Variants in TNIP1 observed in about 807,000 individuals in gnomAD.
TNIP1 encodes the protein TNFAIP3 interacting protein 1, also known as TNFAIP3-interacting protein 1.
In TNIP1, 22 loss-of-function variants were observed where a neutral mutation model predicts 86.6. That is an observed-to-expected ratio of 0.25 (90% CI 0.18 to 0.36). The LOEUF (loss-of-function observed/expected upper bound fraction) is 0.36, where lower values mean the gene tolerates loss of function less well. TNIP1 is among the 10% of genes least tolerant of loss of function. The pLI is 1.00. For synonymous variants in TNIP1, 294 were observed against 313.0 expected (o/e 0.94, Z 0.64); for missense variants, 709 against 820.6 (o/e 0.86, Z 1.66).
chr5:151,050,501 CTAGT>C (rs1759767053), intron 7 of TNIP1, among the ~76,000 whole-genome samples: 1 of 152,260 alleles, frequency 6.6e-6, no homozygotes, highest in Non-Finnish European at 1.5e-5. Flanking sequence ...TCCATTTACT[CTAGT>C]TAAAGTTGCC....
At chr5:151,045,814 C>T (rs142058019) in intron 9 of TNIP1, 47 bp downstream of exon 9, 29 of 1,587,630 alleles carry the variant, frequency 1.8e-5, no homozygotes, top group African/African-American at 2.7e-5. Context: ...CTGCTGGTCC[C>T]GGGAGGTAAG....
intron 1 of TNIP1, chr5:151,080,408 G>A (rs1281012772): frequency 6.6e-6 from 1 of 152,254 alleles, no homozygotes; most frequent in Admixed American, 6.5e-5. Context: ...TAGGATGGAA[G>A]TGACAATTAA....
intron 1 of TNIP1, among the ~76,000 whole-genome samples, chr5:151,067,753 C>T (rs1762399770): frequency 6.6e-6 from 1 of 152,162 alleles, no homozygotes. Flanking sequence ...AGAAGTCAGA[C>T]TGAAGGGAAC....
upstream of TNIP1, among the ~76,000 whole-genome samples, chr5:151,082,970 A>G (rs1173178601): frequency 6.6e-6 from 1 of 152,026 alleles, no homozygotes; most frequent in African/African-American, 2.4e-5. Context: ...CTGTCTAGAA[A>G]AGGACTTACT....
intron 1 of TNIP1, among the ~76,000 whole-genome samples, chr5:151,071,126 A>G (rs2113776556): frequency 6.6e-6 from 1 of 152,258 alleles, no homozygotes; most frequent in African/African-American, 2.4e-5. Context: ...CTTTAATTTA[A>G]AAGAGAAAAG....
At chr5:151,084,709 G>C (rs932642017), upstream of TNIP1, among the ~76,000 whole-genome samples, 1 of 152,166 alleles carries the variant, frequency 6.6e-6, no homozygotes, top group Non-Finnish European at 1.5e-5. Flanking sequence ...GCCTTGGCTA[G>C]GGGAGAATGG....
chr5:151,059,071 C>T (rs959520342), intron 5 of TNIP1, among the ~76,000 whole-genome samples: 3 of 152,224 alleles, frequency 2.0e-5, no homozygotes, highest in African/African-American at 7.2e-5. Flanking sequence ...AAGGCTCATG[C>T]GATGCTTCCC....
intron 1 of TNIP1, among the ~76,000 whole-genome samples, chr5:151,078,988 G>C (rs780927306): frequency 7.9e-5 from 12 of 152,148 alleles, no homozygotes; most frequent in Non-Finnish European, 1.6e-4. Context: ...ACAGCTTCCT[G>C]GGGCCCCGAA....
intron 4 of TNIP1, among the ~76,000 whole-genome samples, chr5:151,061,050 T>TCAA (rs2113679617): frequency 6.6e-6 from 1 of 152,354 alleles, no homozygotes; most frequent in Admixed American, 6.5e-5. Context: ...ATTTCAGGAT[T>TCAA]CAACCAAATC....
chr5:151,042,463 C>T, intron 11 of TNIP1, 77 bp downstream of exon 11: 1 of 1,563,226 alleles, frequency 6.4e-7, no homozygotes, highest in Admixed American at 1.7e-5. Context: ...ACTCCTGCCC[C>T]TGGCTTGTTT....
At chr5:151,065,212 G>T in intron 1 of TNIP1, 81 bp from the exon 2 acceptor site, 1 of 1,230,944 alleles carries the variant, frequency 8.1e-7, no homozygotes, top group Non-Finnish European at 1.1e-6. Flanking sequence ...GTCTGTCAAT[G>T]CCCCAGAAGG....
At chr5:151,066,304 C>T (rs1279378239) in intron 1 of TNIP1, among the ~76,000 whole-genome samples, 1 of 152,180 alleles carries the variant, frequency 6.6e-6, no homozygotes, top group African/African-American at 2.4e-5. Context: ...AGGGCAGAGG[C>T]CCTAAGGCTG....
rs867562132 is a variant in TNIP1, at chr5:151,030,469, G to C, written c.*244C>G. On this transcript the variant is annotated 3_prime_UTR_variant, in exon 18 of 18. Transcript: ENST00000521591. ...GCCGGATGAGGCCTCTCTCCACTCA[G>C]CAGCAGGGAAGGAGTTTTTCCCAGT... is the stretch of plus-strand genomic sequence containing the variant. 21 of 593,436 alleles carry C rather than the reference G, an allele frequency of 3.5e-5. No individual in the cohort carries two copies. The highest frequency in any genetic ancestry group is 2.6e-4 in the African/African-American group (14 of 53,402). 36.8% of individuals were successfully genotyped at this position (593,436 alleles called of 1,614,324 possible).
intron 6 of TNIP1, among the ~76,000 whole-genome samples, chr5:151,055,239 G>T (rs1297977736): frequency 6.6e-6 from 1 of 152,080 alleles, no homozygotes; most frequent in Non-Finnish European, 1.5e-5. Context: ...AAAAAAAAGA[G>T]TATAAGAAAA....
chr5:151,053,447 C>T (rs1283642796), intron 6 of TNIP1, among the ~76,000 whole-genome samples: 1 of 152,194 alleles, frequency 6.6e-6, no homozygotes, highest in Non-Finnish European at 1.5e-5. Context: ...CTCTATAGGG[C>T]TGCTGAGAGG....
chr5:151,052,381 C>T (rs1212762361), intron 6 of TNIP1, 122 bp from the exon 7 acceptor site: 2 of 763,244 alleles, frequency 2.6e-6, no homozygotes, highest in East Asian at 2.7e-5. Context: ...TCCCCTTTGC[C>T]TGGCCTCACC....
At position 151,059,804 on chromosome 5, in the gene TNIP1, A is replaced by G. The variant is rs879644856; in HGVS notation, c.435+514T>C. On this transcript the variant is annotated intron_variant, in intron 5 of 17. Coordinates refer to ENST00000521591, the MANE Select transcript of TNIP1 (RefSeq NM_006058.5). ...CAGAGAGAGAGAGAGAGAGAGAGAG[A>G]GAGAGAGAGAGAGAGAGAGAGAGAG... 9.3e-4 allele frequency among the ~76,000 whole-genome samples: 103 copies of G among 110,534 alleles called. 2 individuals carry two copies. The highest frequency in any genetic ancestry group is 4.6e-3 in the African/African-American group (101 of 22,132). 72.5% of individuals were successfully genotyped at this position (110,534 alleles called of 152,430 possible).
At position 151,042,526 on chromosome 5, in the gene TNIP1, G is replaced by A; in HGVS notation, c.1134+14C>T. On this transcript the variant is annotated intron_variant, in intron 11 of 17. Transcript: ENST00000521591. ...AGGGGAACTGACTCTGCAGGGACCA[G>A]CAGTCACACTTGCCTCCTCCATTTC... The A allele has an allele frequency of 6.2e-7, 1 of 1,610,884 alleles. No homozygotes were observed.
intron 1 of TNIP1, chr5:151,078,380 T>C (rs529275742): frequency 6.6e-6 from 1 of 152,204 alleles, no homozygotes; most frequent in East Asian, 1.9e-4. Context: ...CACCAGGCAC[T>C]CTTCTCCCGC....
Sources: allele counts gnomAD v4.1 joint callset (sites outside exome capture counted in the v4.1 genomes callset), GRCh38; gene constraint gnomAD v4.1.1; transcripts MANE v1.5; gene names NCBI Gene and HGNC (gene_info 2026-07-23, HGNC 2026-07-21).